Variants in KMT2C observed in about 807,000 individuals in gnomAD.
KMT2C encodes lysine methyltransferase 2C.
A neutral mutation model predicts 507.9 loss-of-function variants in KMT2C; 88 were observed. That is an observed-to-expected ratio of 0.17 (90% CI 0.15 to 0.21). KMT2C has a LOEUF of 0.21. Ranked by LOEUF, KMT2C falls within the 10% of genes least tolerant of loss-of-function variation. The pLI is 1.00. For missense variants in KMT2C, 4,954 were observed against 5,957.8 expected, an observed-to-expected ratio of 0.83 and a Z score of 5.55; for synonymous variants, 2,049 against 2,080.8, an observed-to-expected ratio of 0.98 and a Z score of 0.42.
intron 3 of KMT2C, among the ~76,000 whole-genome samples, chr7:152,324,235 A>G (rs1187353515): frequency 5.3e-5 from 8 of 151,466 alleles, no homozygotes; most frequent in Non-Finnish European, 1.2e-4. Flanking sequence ...TTTTAAAATA[A>G]CTATTAGTTT....
intron 1 of KMT2C, among the ~76,000 whole-genome samples, chr7:152,391,229 T>C (rs2097494336): frequency 6.9e-6 from 1 of 144,678 alleles, no homozygotes; most frequent in Admixed American, 6.9e-5. Flanking sequence ...TTTTTGTCGT[T>C]GTTTGTTTTT....
At position 152,310,069 on chromosome 7, in the gene KMT2C, C is replaced by A; in HGVS notation, c.746G>T (p.Cys249Phe). ...CTCCACACAACGGTGATGAGCCCAA[C>A]AAGTGCCTAAAATGGGAAAAATGAA... is the stretch of plus-strand genomic sequence containing the variant. ...IQALFDSTGTCWAHHRCVEWS... is the reference protein window; with the variant it reads ...IQALFDSTGTFWAHHRCVEWS... The change falls in exon 6 of 59, where the codon TGT becomes TTT. Residue 249 changes from cysteine to phenylalanine, a missense_variant. Transcript: ENST00000262189. 1 of 1,606,452 alleles carries A rather than the reference C, an allele frequency of 6.2e-7. No homozygotes were observed. The highest frequency in any genetic ancestry group is 8.5e-7 in the Non-Finnish European group (1 of 1,176,196).
intron 12 of KMT2C, among the ~76,000 whole-genome samples, chr7:152,250,394 T>C (rs550476472): frequency 6.6e-6 from 1 of 152,194 alleles, no homozygotes; most frequent in Admixed American, 6.5e-5. Flanking sequence ...TGGTCTCTTA[T>C]TAATTCCAGA....
intron 1 of KMT2C, among the ~76,000 whole-genome samples, chr7:152,381,686 T>C (rs1386785920): frequency 3.3e-5 from 5 of 152,278 alleles, no homozygotes; most frequent in Admixed American, 6.5e-5. Flanking sequence ...CTTTCAAAAA[T>C]GTATAAGCTA....
rs374245245 is a variant in KMT2C at position 152,330,179 on chromosome 7, GAGAA to G, written c.389+418_389+421del. ...GGGGGGGAGGGGTGGTGGGGGGGGG[GAGAA>G]AAAGAAAGAAAAAAAATAGGTTATA... On this transcript the variant is annotated intron_variant, in intron 3 of 58. Coordinates refer to ENST00000262189, the MANE Select transcript of KMT2C (RefSeq NM_170606.3). Among the ~76,000 whole-genome samples the G allele has an allele frequency of 3.9e-3, 459 of 118,240 alleles. 1 individual carries two copies. Among genetic ancestry groups the G allele is most frequent in the South Asian group, 0.015 (45 of 2,938 alleles). The allele number at this position is 118,240 out of a possible 152,430, so 77.6% of individuals were successfully genotyped here. A position where few individuals can be genotyped will look rare whatever the true frequency, so the allele number is the denominator to read the frequency against.
At chr7:152,263,230 A>C (rs1563640165) in intron 8 of KMT2C, 100 bp from the exon 9 acceptor site, 1 of 934,096 alleles carries the variant, frequency 1.1e-6, no homozygotes, top group Non-Finnish European at 1.6e-6. Context: ...TGCACAGTTC[A>C]TAAATACCTC....
At position 152,300,869 on chromosome 7, in the gene KMT2C, C is replaced by A. The variant is rs569368892; in HGVS notation, c.849+9097G>T. On this transcript the variant is annotated intron_variant, in intron 6 of 58. Coordinates refer to ENST00000262189, the MANE Select transcript of KMT2C (RefSeq NM_170606.3). Reference sequence around the variant, plus strand: ...GGTCAAGAGATTGAGACCATCCTAGCCAACATGGCGAAACCCCGTCTCTAC... The same window carrying A: ...GGTCAAGAGATTGAGACCATCCTAGACAACATGGCGAAACCCCGTCTCTAC... Among the ~76,000 whole-genome samples the A allele has an allele frequency of 3.9e-4, 60 of 152,072 alleles. 2 individuals carry two copies. In the South Asian group the frequency reaches 0.012, roughly 31 times the overall value.
intron 7 of KMT2C, among the ~76,000 whole-genome samples, chr7:152,270,380 T>C (rs1159336971): frequency 6.6e-5 from 10 of 152,178 alleles, no homozygotes; most frequent in Non-Finnish European, 1.0e-4. Context: ...AGTAAATACA[T>C]TGAGGAACAG....
At chr7:152,158,052 A>C in intron 44 of KMT2C, 2 of 507,752 alleles carry the variant, frequency 3.9e-6, no homozygotes, top group Non-Finnish European at 6.2e-6. Context: ...ATTTTCAAGT[A>C]TCAAAATGCT....
At chr7:152,303,456 G>T (rs1045044364) in intron 6 of KMT2C, among the ~76,000 whole-genome samples, 1 of 152,106 alleles carries the variant, frequency 6.6e-6, no homozygotes, top group Non-Finnish European at 1.5e-5. Context: ...ACTAAATTTT[G>T]CCCTTCATTG....
intron 44 of KMT2C, chr7:152,157,717 T>A: frequency 1.8e-6 from 2 of 1,115,488 alleles, no homozygotes; most frequent in Non-Finnish European, 1.1e-6. Flanking sequence ...TCTGACATGT[T>A]ACCCAAAGAT....
chr7:152,372,641 C>G (rs944483131), intron 1 of KMT2C, among the ~76,000 whole-genome samples: 15 of 152,228 alleles, frequency 9.9e-5, no homozygotes, highest in African/African-American at 2.9e-4. Context: ...TAAAAGAGAT[C>G]AGAGGTCAAT....
intron 1 of KMT2C, among the ~76,000 whole-genome samples, chr7:152,398,240 G>T (rs6951817): frequency 0.049 from 7,382 of 152,190 alleles, 628 homozygotes; most frequent in African/African-American, 0.17. Flanking sequence ...TGGTCTCTCT[G>T]GTTCACCACT....
intron 6 of KMT2C, among the ~76,000 whole-genome samples, chr7:152,281,708 G>C (rs1013655045): frequency 2.6e-5 from 4 of 151,694 alleles, no homozygotes; most frequent in Non-Finnish European, 4.4e-5. Flanking sequence ...CTCCAGCCTG[G>C]GCAACAGAGT....
intron 9 of KMT2C, among the ~76,000 whole-genome samples, chr7:152,261,304 G>A (rs2095770430): frequency 6.6e-6 from 1 of 152,004 alleles, no homozygotes; most frequent in East Asian, 1.9e-4. Context: ...ATTAACACTG[G>A]CGTGACCTAC....
intron 7 of KMT2C, among the ~76,000 whole-genome samples, chr7:152,267,005 C>A (rs73481074): frequency 9.9e-6 from 1 of 101,372 alleles, no homozygotes; most frequent in African/African-American, 3.7e-5. Context: ...CACATTAAAA[C>A]GCCCCTTTCC....
Position 152,255,142 on chromosome 7 carries a change from T to C in KMT2C, c.1300-2427A>G, listed in dbSNP as rs867048290. Among the ~76,000 whole-genome samples the C allele has an allele frequency of 9.8e-3, 1,244 of 126,314 alleles. 49 individuals carry two copies. The highest frequency in any genetic ancestry group is 0.037 in the African/African-American group (1,141 of 31,186). The allele number at this position is 126,314 out of a possible 152,430, so 82.9% of individuals were successfully genotyped here. On this transcript the variant is annotated intron_variant, in intron 9 of 58. Coordinates refer to ENST00000262189, the MANE Select transcript of KMT2C (RefSeq NM_170606.3). ...ATATATATATATATATATATATATA[T>C]ATACATATATATATATGTGTGTGTG...
At chr7:152,384,213 T>C (rs1243714089) in intron 1 of KMT2C, among the ~76,000 whole-genome samples, 5 of 152,186 alleles carry the variant, frequency 3.3e-5, no homozygotes, top group Non-Finnish European at 7.3e-5. Context: ...CATCATTCAC[T>C]TGGATAAAAC....
At chr7:152,417,833 G>A (rs941820646) in intron 1 of KMT2C, among the ~76,000 whole-genome samples, 79 of 151,452 alleles carry the variant, frequency 5.2e-4, no homozygotes, top group African/African-American at 1.6e-3. Context: ...TAGTAGAGAC[G>A]GGGTTTCACC....
Sources: allele counts gnomAD v4.1 joint callset (sites outside exome capture counted in the v4.1 genomes callset), GRCh38; gene constraint gnomAD v4.1.1; transcripts MANE v1.5; gene names NCBI Gene and HGNC (gene_info 2026-07-23, HGNC 2026-07-21).